NLGN1: variants seen among roughly 807,000 people sequenced by gnomAD.
NLGN1 encodes the protein neuroligin-1.
NLGN1 carries 12 observed loss-of-function variants against 65.5 expected under a neutral mutation model. That is an observed-to-expected ratio of 0.18 (90% CI 0.12 to 0.30). The LOEUF (loss-of-function observed/expected upper bound fraction) is 0.30. NLGN1 is among the 10% of genes least tolerant of loss of function. The pLI is 1.00. For synonymous variants in NLGN1, 350 were observed against 359.5 expected (o/e 0.97, Z 0.30); for missense variants, 750 against 1,007.1 (o/e 0.74, Z 3.46).
chr3:173,820,179 G>GAAAAAAAAAAAAAA (rs63081662), intron 4 of NLGN1, among the ~76,000 whole-genome samples: 3 of 136,616 alleles, frequency 2.2e-5, no homozygotes, highest in Non-Finnish European at 1.5e-5. Flanking sequence ...ATTCAGTCTC[G>GAAAAAAAAAAAAAA]AAAAAAAAAA....
intron 4 of NLGN1, among the ~76,000 whole-genome samples, chr3:173,854,726 T>A (rs1003199418): frequency 1.3e-5 from 2 of 152,064 alleles, no homozygotes; most frequent in Admixed American, 1.3e-4. Flanking sequence ...AAAACAGTAT[T>A]GGGGATTGAC....
At chr3:173,918,290 T>C (rs932240849) in intron 4 of NLGN1, among the ~76,000 whole-genome samples, 2 of 152,106 alleles carry the variant, frequency 1.3e-5, no homozygotes, top group African/African-American at 4.8e-5. Flanking sequence ...TCATTACAGT[T>C]CTCTGTAGCT....
rs765062732 is a variant in NLGN1, at chr3:173,604,564, CT to C, written c.-34del. ...AGTGGATATAAATACGTTTGCCTCA[CT>C]GTAACCAGACAACTAGACAACTAAT... On this transcript the variant is annotated 5_prime_UTR_variant, in exon 3 of 7. Transcript: ENST00000457714. 8.1e-6 allele frequency: 13 copies of C among 1,605,946 alleles called. No individual in the cohort carries two copies. In the Admixed American group the frequency reaches 2.2e-4, roughly 27 times the overall value.
chr3:173,452,230 C>G (rs1045050779), intron 2 of NLGN1, among the ~76,000 whole-genome samples: 8 of 149,712 alleles, frequency 5.3e-5, no homozygotes, highest in Non-Finnish European at 1.0e-4. Flanking sequence ...GAGTCTCGCT[C>G]TGTTGCCCAG....
intron 3 of NLGN1, among the ~76,000 whole-genome samples, chr3:173,634,896 T>C (rs1006037571): frequency 6.6e-6 from 1 of 152,092 alleles, no homozygotes; most frequent in Non-Finnish European, 1.5e-5. Flanking sequence ...TCCCTTGAGA[T>C]GGCAATAGGA....
chr3:174,090,461 A>G (rs1324503545), intron 4 of NLGN1, among the ~76,000 whole-genome samples: 1 of 152,124 alleles, frequency 6.6e-6, no homozygotes, highest in African/African-American at 2.4e-5. Context: ...GGACAGAGCG[A>G]GACTCTGTCT....
At chr3:173,692,420 A>G (rs957503944) in intron 3 of NLGN1, among the ~76,000 whole-genome samples, 2 of 152,150 alleles carry the variant, frequency 1.3e-5, no homozygotes, top group African/African-American at 2.4e-5. Context: ...AAGTGTCTCT[A>G]TAGCCCTAAA....
intron 4 of NLGN1, among the ~76,000 whole-genome samples, chr3:173,952,735 T>A (rs1383374783): frequency 6.6e-6 from 1 of 152,294 alleles, no homozygotes; most frequent in African/African-American, 2.4e-5. Flanking sequence ...TCATTTTATT[T>A]TTTTATCTTA....
chr3:173,761,925 C>A (rs1778022682), intron 3 of NLGN1, among the ~76,000 whole-genome samples: 1 of 151,954 alleles, frequency 6.6e-6, no homozygotes. Context: ...TGGGAATGAA[C>A]CGACAGAATT....
chr3:174,066,395 T>C (rs1215171751), intron 4 of NLGN1, among the ~76,000 whole-genome samples: 2 of 152,112 alleles, frequency 1.3e-5, no homozygotes, highest in Non-Finnish European at 2.9e-5. Context: ...TATTTTTAAG[T>C]AAACTGTCAA....
At chr3:173,948,175 G>A (rs1747538715) in intron 4 of NLGN1, among the ~76,000 whole-genome samples, 1 of 152,096 alleles carries the variant, frequency 6.6e-6, no homozygotes, top group Admixed American at 6.5e-5. Context: ...TTTAGAGTTG[G>A]TTGGCACTGG....
chr3:173,737,028 T>C (rs1773882384), intron 3 of NLGN1, among the ~76,000 whole-genome samples: 2 of 152,028 alleles, frequency 1.3e-5, no homozygotes, highest in South Asian at 4.1e-4. Context: ...AGAATCTTTC[T>C]AATTATAGTA....
At chr3:174,236,500 T>A (rs978622095) in intron 4 of NLGN1, among the ~76,000 whole-genome samples, 9 of 152,072 alleles carry the variant, frequency 5.9e-5, no homozygotes, top group African/African-American at 2.2e-4. Flanking sequence ...TTGTAGATTG[T>A]AACTCTGATC....
intron 4 of NLGN1, among the ~76,000 whole-genome samples, chr3:174,200,331 T>C (rs533839928): frequency 1.3e-5 from 2 of 152,246 alleles, no homozygotes; most frequent in Non-Finnish European, 2.9e-5. Flanking sequence ...TTCTAAGGCT[T>C]GAACACTGTG....
chr3:174,258,682 GA>G (rs1171699852), intron 4 of NLGN1, among the ~76,000 whole-genome samples: 12 of 152,046 alleles, frequency 7.9e-5, no homozygotes, highest in African/African-American at 2.9e-4. Flanking sequence ...AGAAACATCA[GA>G]TAAACCCTAA....
At chr3:173,808,966 G>A (rs1018549925) in intron 4 of NLGN1, among the ~76,000 whole-genome samples, 1 of 152,050 alleles carries the variant, frequency 6.6e-6, no homozygotes, top group Non-Finnish European at 1.5e-5. Flanking sequence ...TATTTTAAAA[G>A]GTAGAATAAT....
chr3:173,733,205 G>A (rs1186284817), intron 3 of NLGN1, among the ~76,000 whole-genome samples: 1 of 152,066 alleles, frequency 6.6e-6, no homozygotes, highest in African/African-American at 2.4e-5. Flanking sequence ...GAGTGAGTGG[G>A]AAGATCCAAT....
intron 5 of NLGN1, among the ~76,000 whole-genome samples, chr3:174,276,446 T>G (rs550104886): frequency 4.6e-5 from 7 of 151,318 alleles, no homozygotes; most frequent in Non-Finnish European, 8.8e-5. Flanking sequence ...AGATAATATA[T>G]AAAAACGTAC....
At chr3:173,900,944 T>G (rs553113365) in intron 4 of NLGN1, among the ~76,000 whole-genome samples, 1 of 152,114 alleles carries the variant, frequency 6.6e-6, no homozygotes, top group East Asian at 1.9e-4. Flanking sequence ...AAGTGATAAC[T>G]AATATAGCCA....
Sources: gnomAD v4.1 joint callset for allele counts (sites outside exome capture counted in the v4.1 genomes callset) on GRCh38, gnomAD v4.1.1 for gene constraint, MANE v1.5 for transcripts, NCBI Gene and HGNC (gene_info 2026-07-23, HGNC 2026-07-21) for gene names.